PGCKA1: variants seen among roughly 807,000 people sequenced by gnomAD.
PGCKA1 encodes PDCD10 and GCKIII kinases-associated protein 1.
the PGCKA1 span, among the ~76,000 whole-genome samples, chr4:37,577,506 CA>C: frequency 3.3e-5 from 5 of 151,350 alleles, no homozygotes; most frequent in South Asian, 4.2e-4. Context: ...GTTATCTTTT[CA>C]AAAAAAACCA....
chr4:37,484,044 C>T, the PGCKA1 span, among the ~76,000 whole-genome samples: 1 of 152,170 alleles, frequency 6.6e-6, no homozygotes, highest in East Asian at 1.9e-4. Context: ...GATCTTCACT[C>T]ATCCCATTAC....
the PGCKA1 span, among the ~76,000 whole-genome samples, chr4:37,570,146 A>ATTTTTTTTTTTTTTTT: frequency 2.5e-5 from 2 of 78,952 alleles, no homozygotes; most frequent in African/African-American, 5.6e-5. Flanking sequence ...CGCCTGGCTA[A>ATTTTTTTTTTTTTTTT]TTTTTTTTTT....
At chr4:37,470,688 A>G in the PGCKA1 span, among the ~76,000 whole-genome samples, 3 of 152,348 alleles carry the variant, frequency 2.0e-5, no homozygotes, top group East Asian at 1.9e-4. Flanking sequence ...TTCTCTAGTT[A>G]TAAATTATCA....
At chr4:37,492,251 G>T in the PGCKA1 span, among the ~76,000 whole-genome samples, 2 of 152,068 alleles carry the variant, frequency 1.3e-5, no homozygotes, top group Non-Finnish European at 2.9e-5. The surrounding 1 kb of genome is among the most constrained non-coding windows in gnomAD (Gnocchi z 4.7). Flanking sequence ...ATAGTTTCTG[G>T]TCCCTCCAGA....
the PGCKA1 span, among the ~76,000 whole-genome samples, chr4:37,533,418 G>A: frequency 1.3e-5 from 2 of 152,252 alleles, no homozygotes; most frequent in East Asian, 1.9e-4. Context: ...GAATTGTCAC[G>A]CATATCGTTA....
At chr4:37,504,551 CATG>C in the PGCKA1 span, among the ~76,000 whole-genome samples, 1 of 151,994 alleles carries the variant, frequency 6.6e-6, no homozygotes, top group Non-Finnish European at 1.5e-5. Context: ...TGATTCAATC[CATG>C]AATATGGAAT....
chr4:37,568,442 A>G, the PGCKA1 span, among the ~76,000 whole-genome samples: 288 of 152,340 alleles, frequency 1.9e-3, 1 homozygote, highest in Middle Eastern at 6.8e-3. Flanking sequence ...TTTCTCCATC[A>G]GGAGTCTCCC....
the PGCKA1 span, among the ~76,000 whole-genome samples, chr4:37,542,666 G>A: frequency 2.6e-5 from 4 of 152,152 alleles, no homozygotes; most frequent in Admixed American, 2.6e-4. Flanking sequence ...TAACCAAGGA[G>A]CTGAAATTTT....
At chr4:37,514,789 G>A in the PGCKA1 span, among the ~76,000 whole-genome samples, 1 of 152,270 alleles carries the variant, frequency 6.6e-6, no homozygotes, top group South Asian at 2.1e-4. Flanking sequence ...CATTAGCTGA[G>A]GCAGCTCAGC....
At chr4:37,553,385 C>T in the PGCKA1 span, among the ~76,000 whole-genome samples, 1 of 137,204 alleles carries the variant, frequency 7.3e-6, no homozygotes, top group South Asian at 2.6e-4. Context: ...CTTACTTTAC[C>T]CCTGGATGTT....
At chr4:37,571,353 T>TA in the PGCKA1 span, among the ~76,000 whole-genome samples, 21 of 128,734 alleles carry the variant, frequency 1.6e-4, no homozygotes, top group African/African-American at 6.4e-4. Context: ...GAGACTATTA[T>TA]CCTTTTTTTT....
the PGCKA1 span, among the ~76,000 whole-genome samples, chr4:37,525,748 C>CTAT: frequency 6.6e-6 from 1 of 152,168 alleles, no homozygotes; most frequent in African/African-American, 2.4e-5. Flanking sequence ...AGGCTTCACT[C>CTAT]GATGACTATT....
chr4:37,462,962 C>CAAAA, the PGCKA1 span, among the ~76,000 whole-genome samples: 109 of 60,272 alleles, frequency 1.8e-3, 2 homozygotes, highest in Non-Finnish European at 2.4e-3. Flanking sequence ...GACTCAGTAT[C>CAAAA]AAAAAAAAAA....
chr4:37,529,395 A>C, the PGCKA1 span, among the ~76,000 whole-genome samples: 1 of 152,146 alleles, frequency 6.6e-6, no homozygotes, highest in Non-Finnish European at 1.5e-5. Context: ...ATTATGTACT[A>C]TTGATGCTAT....
chr4:37,483,156 C>G, the PGCKA1 span, among the ~76,000 whole-genome samples: 1 of 152,098 alleles, frequency 6.6e-6, no homozygotes, highest in Non-Finnish European at 1.5e-5. Flanking sequence ...AAGGGCTTCC[C>G]CCTTCACTTG....
At chr4:37,561,351 C>T in the PGCKA1 span, among the ~76,000 whole-genome samples, 69,279 of 151,894 alleles carry the variant, frequency 0.46, 16,603 homozygotes, top group South Asian at 0.54. Context: ...GCAGGAAAGA[C>T]GTCAAAAAAT....
At chr4:37,494,243 C>T in the PGCKA1 span, among the ~76,000 whole-genome samples, 1 of 152,184 alleles carries the variant, frequency 6.6e-6, no homozygotes, top group East Asian at 1.9e-4. Flanking sequence ...GATATTAAGC[C>T]TGGTACCCAT....
At chr4:37,488,639 T>C in the PGCKA1 span, among the ~76,000 whole-genome samples, 1 of 152,166 alleles carries the variant, frequency 6.6e-6, no homozygotes. Flanking sequence ...CCAGAGCACC[T>C]GGGAAATCTG....
the PGCKA1 span, among the ~76,000 whole-genome samples, chr4:37,509,834 G>A: frequency 9.3e-3 from 1,408 of 151,720 alleles, 23 homozygotes; most frequent in African/African-American, 0.032. Flanking sequence ...GTGGCGGCGC[G>A]CGCCTGCAAT....
Sources: allele counts gnomAD v4.1 joint callset (sites outside exome capture counted in the v4.1 genomes callset), GRCh38; gene constraint gnomAD v4.1.1; non-coding constraint Gnocchi (gnomAD v3.1); transcripts MANE v1.5; gene names NCBI Gene and HGNC (gene_info 2026-07-23, HGNC 2026-07-21).